The following NRG1 variants were observed in gnomAD, a reference collection of about 807,000 sequenced individuals.
NRG1 encodes neuregulin 1, also known as pro-neuregulin-1, membrane-bound isoform.
Under a neutral mutation model 63.8 loss-of-function variants are expected in NRG1, and 18 were observed. That is an observed-to-expected ratio of 0.28 (90% confidence interval 0.19 to 0.42). The LOEUF (loss-of-function observed/expected upper bound fraction) is 0.42, where lower values mean the gene tolerates loss of function less well. Ranked by LOEUF, NRG1 falls within the 10% of genes least tolerant of loss-of-function variation. The pLI, the probability that NRG1 is intolerant of heterozygous loss-of-function variation, is 1.00. For missense variants in NRG1, 762 were observed against 814.7 expected, an observed-to-expected ratio of 0.94 and a Z score of 0.79; for synonymous variants, 302 against 301.3, an observed-to-expected ratio of 1.00 and a Z score of -0.02.
intron 1 of NRG1, among the ~76,000 whole-genome samples, chr8:32,049,670 T>C (rs990649685): frequency 1.3e-5 from 2 of 152,264 alleles, no homozygotes; most frequent in African/African-American, 4.8e-5. Flanking sequence ...AAAAGGAAAT[T>C]GGGTGTGTAT....
At chr8:31,738,040 G>A (rs541770350) in intron 1 of NRG1, among the ~76,000 whole-genome samples, 5 of 152,108 alleles carry the variant, frequency 3.3e-5, no homozygotes, top group African/African-American at 1.2e-4. Flanking sequence ...ACACATAGAG[G>A]CCATTTAATA....
intron 1 of NRG1, among the ~76,000 whole-genome samples, chr8:32,506,174 G>A (rs185412365): frequency 1.1e-3 from 170 of 152,274 alleles, no homozygotes; most frequent in Admixed American, 4.1e-3. Context: ...GTTTGACCCT[G>A]GGAGTTTGAA....
chr8:32,467,494 C>T (rs1438781158), intron 1 of NRG1, among the ~76,000 whole-genome samples: 1 of 152,196 alleles, frequency 6.6e-6, no homozygotes, highest in Non-Finnish European at 1.5e-5. Context: ...CAGTCTAACA[C>T]ATAGCTGCTG....
At chr8:32,629,910 A>G (rs995493747) in intron 5 of NRG1, among the ~76,000 whole-genome samples, 4 of 152,132 alleles carry the variant, frequency 2.6e-5, no homozygotes, top group Non-Finnish European at 5.9e-5. Flanking sequence ...ATTATCTTTA[A>G]TAATAATAAT....
intron 5 of NRG1, among the ~76,000 whole-genome samples, chr8:32,718,476 G>A (rs549731276): frequency 6.6e-6 from 1 of 152,168 alleles, no homozygotes; most frequent in East Asian, 1.9e-4. Flanking sequence ...CGTTCCAAAG[G>A]CTGCAGGAGA....
intron 8 of NRG1, among the ~76,000 whole-genome samples, chr8:32,755,934 A>T (rs1292589892): frequency 6.6e-6 from 1 of 151,886 alleles, no homozygotes; most frequent in Non-Finnish European, 1.5e-5. Context: ...TAGAGACAGG[A>T]CTTCTCCATG....
chr8:32,149,040 C>T (rs1189461205), intron 1 of NRG1, among the ~76,000 whole-genome samples: 2 of 152,162 alleles, frequency 1.3e-5, no homozygotes. Context: ...GAAGCCTGAT[C>T]ACAGAGTCTA....
intron 1 of NRG1, among the ~76,000 whole-genome samples, chr8:32,497,804 AATTTTATTTT>A (rs1008947594): frequency 6.6e-6 from 1 of 152,148 alleles, no homozygotes; most frequent in South Asian, 2.1e-4. Flanking sequence ...AGAGGCACAC[AATTTTATTTT>A]ATTTTATTTT....
intron 1 of NRG1, among the ~76,000 whole-genome samples, chr8:31,680,879 C>T (rs533527364): frequency 3.3e-5 from 5 of 152,198 alleles, no homozygotes; most frequent in South Asian, 2.1e-4. Flanking sequence ...CATTCCTGCC[C>T]GCACACAGAA....
chr8:32,685,362 T>G (rs1290584226), intron 5 of NRG1, among the ~76,000 whole-genome samples: 1 of 152,152 alleles, frequency 6.6e-6, no homozygotes, highest in Non-Finnish European at 1.5e-5. Flanking sequence ...TCAGTGATTG[T>G]CAACTAGAAT....
intron 1 of NRG1, among the ~76,000 whole-genome samples, chr8:31,698,357 T>C (rs1025785142): frequency 1.3e-5 from 2 of 152,082 alleles, no homozygotes; most frequent in African/African-American, 2.4e-5. Flanking sequence ...AGGATGCTAG[T>C]GATGTGGGGA....
At chr8:32,649,191 A>C (rs1000651881) in intron 5 of NRG1, among the ~76,000 whole-genome samples, 5 of 127,590 alleles carry the variant, frequency 3.9e-5, no homozygotes, top group Non-Finnish European at 7.8e-5. Flanking sequence ...GATGTATGTC[A>C]TCTTAGTCTG....
chr8:32,676,327 G>T (rs755863660), intron 5 of NRG1, among the ~76,000 whole-genome samples: 14 of 152,164 alleles, frequency 9.2e-5, no homozygotes, highest in Admixed American at 6.5e-5. Context: ...ACCCCAGGGG[G>T]GCTTTGCACA....
At chr8:32,354,921 G>A (rs564349944) in intron 1 of NRG1, among the ~76,000 whole-genome samples, 3 of 151,282 alleles carry the variant, frequency 2.0e-5, no homozygotes, top group East Asian at 3.9e-4. Context: ...ACAGAAAATG[G>A]CAAATCATCT....
intron 1 of NRG1, among the ~76,000 whole-genome samples, chr8:32,524,496 AT>A (rs35801670): frequency 7.3e-5 from 11 of 150,010 alleles, no homozygotes; most frequent in South Asian, 4.2e-4. Context: ...TTCCTTAAAG[AT>A]TTTTTTTTTC....
intron 2 of NRG1, among the ~76,000 whole-genome samples, chr8:32,597,324 T>A (rs1843532917): frequency 6.6e-6 from 1 of 152,188 alleles, no homozygotes. Flanking sequence ...TTTAATCTTA[T>A]CAAAGATTTT....
At chr8:31,757,821 G>T (rs1036017950) in intron 1 of NRG1, among the ~76,000 whole-genome samples, 4 of 151,972 alleles carry the variant, frequency 2.6e-5, no homozygotes, top group African/African-American at 9.7e-5. Context: ...ATTTTGACAG[G>T]TGTATATACT....
At chr8:32,633,354 C>T (rs1850690783) in intron 5 of NRG1, among the ~76,000 whole-genome samples, 1 of 152,084 alleles carries the variant, frequency 6.6e-6, no homozygotes, top group Non-Finnish European at 1.5e-5. Flanking sequence ...AGAATGGAAA[C>T]AGACAGATTA....
chr8:32,548,319 T>G, exon 1 of NRG1: 1 of 995,620 alleles, frequency 1.0e-6, no homozygotes, highest in Non-Finnish European at 1.2e-6. Flanking sequence ...CGAAACTTGT[T>G]GGAACTCCGG....
Sources: gnomAD v4.1 joint callset for allele counts (sites outside exome capture counted in the v4.1 genomes callset) on GRCh38, gnomAD v4.1.1 for gene constraint, MANE v1.5 for transcripts, NCBI Gene and HGNC (gene_info 2026-07-23, HGNC 2026-07-21) for gene names.